VTA1: variants seen among roughly 807,000 people sequenced by gnomAD.
VTA1 encodes the protein vesicle trafficking 1.
A neutral mutation model predicts 36.9 loss-of-function variants in VTA1; 24 were observed. The observed-to-expected ratio is 0.65, with a 90% CI of 0.47 to 0.91. The LOEUF is 0.91. Ranked by LOEUF, VTA1 falls within the 40% of genes least tolerant of loss-of-function variation. The pLI is 0.00. For synonymous variants in VTA1, 142 were observed against 130.2 expected (o/e 1.09, Z -0.62); for missense variants, 393 against 377.2 (o/e 1.04, Z -0.35).
At position 142,223,357 on chromosome 6, in the gene VTA1, G is replaced by A. The variant is rs578022797; in HGVS notation, c.*4714G>A. 1 of 152,272 alleles carries A rather than the reference G, an allele frequency of 6.6e-6. No individual in the cohort carries two copies. Among genetic ancestry groups the A allele is most frequent in the East Asian group, 1.9e-4 (1 of 5,176 alleles). The allele number at this position is 152,272 out of a possible 1,614,324, so 9.4% of individuals were successfully genotyped here. ...GGTGTTCCACATCATTAGGGAGTCT[G>A]GGTTTCCCAGATGTGCCTGTTTTAT... On this transcript the variant is annotated 3_prime_UTR_variant, in exon 8 of 8. Transcript: ENST00000367630.
intron 1 of VTA1, 51 bp downstream of exon 1, chr6:142,147,450 G>A: frequency 1.9e-6 from 3 of 1,547,238 alleles, no homozygotes; most frequent in Non-Finnish European, 1.8e-6. Context: ...GCATTTTAGG[G>A]CCCACACACC....
chr6:142,185,495 A>G lies in VTA1; in HGVS notation c.412-3931A>G, dbSNP rs1775322908. ...CATAGGTTAATAATAAACATTTTAA[A>G]AGAATGTCATTTTGCAGATACTGAA... On this transcript the variant is annotated intron_variant, in intron 4 of 7. Coordinates refer to ENST00000367630, the MANE Select transcript of VTA1 (RefSeq NM_016485.5). Among the ~76,000 whole-genome samples, 3 of 152,210 alleles carry G rather than the reference A, an allele frequency of 2.0e-5. No individual in the cohort carries two copies. In the South Asian group the frequency reaches 6.2e-4, roughly 31 times the overall value.
intron 7 of VTA1, among the ~76,000 whole-genome samples, chr6:142,204,757 G>GTTTT (rs1775756980): frequency 6.6e-6 from 1 of 151,534 alleles, no homozygotes; most frequent in South Asian, 2.1e-4. Flanking sequence ...GTTTTGTTTT[G>GTTTT]TTTTTGAGAC....
At chr6:142,173,459 C>T (rs899831832) in intron 4 of VTA1, among the ~76,000 whole-genome samples, 5 of 152,100 alleles carry the variant, frequency 3.3e-5, no homozygotes, top group Admixed American at 6.6e-5. Flanking sequence ...TTAGTAGAGA[C>T]GGGGTTTCAC....
At position 142,223,275 on chromosome 6, in the gene VTA1, G is replaced by A. The variant is rs1010799271; in HGVS notation, c.*4632G>A. ...TTGTATGGACTGCAGCAATCCAAGG[G>A]GACACTAAGCAGGGTTTGAGTAATG... On this transcript the variant is annotated 3_prime_UTR_variant, in exon 8 of 8. Coordinates refer to ENST00000367630, the MANE Select transcript of VTA1 (RefSeq NM_016485.5). The A allele has an allele frequency of 6.6e-6, 1 of 152,124 alleles. No individual in the cohort carries two copies. The highest frequency in any genetic ancestry group is 6.6e-5 in the Admixed American group (1 of 15,254). 9.4% of individuals were successfully genotyped at this position (152,124 alleles called of 1,614,324 possible).
chr6:142,181,093 AAAT>A (rs1178922831), intron 4 of VTA1, among the ~76,000 whole-genome samples: 24 of 72,440 alleles, frequency 3.3e-4, no homozygotes, highest in African/African-American at 6.3e-4. Context: ...AAAAAAAAAA[AAAT>A]ATATATATAT....
chr6:142,187,882 C>T lies in VTA1; in HGVS notation c.412-1544C>T, dbSNP rs145813420. Among the ~76,000 whole-genome samples the T allele has an allele frequency of 5.4e-5, 8 of 148,652 alleles. No individual in the cohort carries two copies. The East Asian group carries it at 1.4e-3, about 25-fold the overall frequency. Reference sequence around the variant, plus strand: ...CTGCATTTGTACTTATCAGTGACTTCGTGGATCTTTGCAAAAGGATACTTT... The same window carrying T: ...CTGCATTTGTACTTATCAGTGACTTTGTGGATCTTTGCAAAAGGATACTTT... On this transcript the variant is annotated intron_variant, in intron 4 of 7. Coordinates refer to ENST00000367630, the MANE Select transcript of VTA1 (RefSeq NM_016485.5).
At position 142,194,800 on chromosome 6, in the gene VTA1, C is replaced by T. The variant is rs1177081035; in HGVS notation, c.521-3639C>T. On this transcript the variant is annotated intron_variant, in intron 5 of 7. Transcript: ENST00000367630. Reference sequence around the variant, plus strand: ...CCATTGTTTTGTTTTGTTTTTTGCCCTATGTGATACTGAGAAATCTTCTTT... The same window carrying T: ...CCATTGTTTTGTTTTGTTTTTTGCCTTATGTGATACTGAGAAATCTTCTTT... Among the ~76,000 whole-genome samples the T allele has an allele frequency of 2.6e-5, 4 of 152,032 alleles. No homozygotes were observed. In the East Asian group the frequency reaches 7.7e-4, roughly 29 times the overall value.
intron 1 of VTA1, among the ~76,000 whole-genome samples, chr6:142,165,629 G>T (rs576861663): frequency 6.6e-6 from 1 of 152,262 alleles, no homozygotes; most frequent in South Asian, 2.1e-4. Flanking sequence ...AACATCAGTG[G>T]TAACAGCAGT....
intron 1 of VTA1, among the ~76,000 whole-genome samples, chr6:142,155,747 C>A (rs1000549638): frequency 2.0e-5 from 3 of 152,208 alleles, no homozygotes; most frequent in Admixed American, 1.3e-4. Context: ...ACCACACTCA[C>A]TAGATTTTTA....
At chr6:142,200,195 T>C (rs1412884598) in intron 6 of VTA1, among the ~76,000 whole-genome samples, 1 of 152,124 alleles carries the variant, frequency 6.6e-6, no homozygotes. Flanking sequence ...TCATACTTAC[T>C]TCTCATGGTT....
intron 4 of VTA1, among the ~76,000 whole-genome samples, chr6:142,176,076 A>G (rs1376139587): frequency 1.3e-5 from 2 of 152,120 alleles, no homozygotes; most frequent in African/African-American, 4.8e-5. Flanking sequence ...GTCAACATAA[A>G]TATTTTCTTT....
chr6:142,181,455 T>TTTTATATATATATA (rs893322058), intron 4 of VTA1, among the ~76,000 whole-genome samples: 3 of 143,652 alleles, frequency 2.1e-5, no homozygotes, highest in South Asian at 2.2e-4. Context: ...TTTTTATATT[T>TTTTATATATATATA]TATATATATA....
At position 142,219,375 on chromosome 6, in the gene VTA1, A is replaced by G. The variant is rs536674405; in HGVS notation, c.*732A>G. 15 of 152,330 alleles carry G rather than the reference A, an allele frequency of 9.8e-5. No individual in the cohort carries two copies. The highest frequency in any genetic ancestry group is 3.4e-4 in the African/African-American group (14 of 41,566). The allele number at this position is 152,330 out of a possible 1,614,324, so 9.4% of individuals were successfully genotyped here. Reference sequence around the variant, plus strand: ...GCATGTATTAGAGAATGAAAAGAAGATATTTGTAGTAATGCCTGGAAACTT... The same window carrying G: ...GCATGTATTAGAGAATGAAAAGAAGGTATTTGTAGTAATGCCTGGAAACTT... On this transcript the variant is annotated 3_prime_UTR_variant, in exon 8 of 8. Coordinates refer to ENST00000367630, the MANE Select transcript of VTA1 (RefSeq NM_016485.5).
intron 1 of VTA1, among the ~76,000 whole-genome samples, chr6:142,159,426 T>G (rs1040210223): frequency 6.6e-6 from 1 of 151,342 alleles, no homozygotes; most frequent in Non-Finnish European, 1.5e-5. Flanking sequence ...ACTAATCTTT[T>G]CTTTTTTGGT....
rs186153164 is a variant in VTA1 at position 142,188,266 on chromosome 6, C to G, written c.412-1160C>G. Among the ~76,000 whole-genome samples, 3 of 112,198 alleles carry G rather than the reference C, an allele frequency of 2.7e-5. No individual in the cohort carries two copies. The Admixed American group carries it at 3.4e-4, about 13-fold the overall frequency. 73.6% of individuals were successfully genotyped at this position (112,198 alleles called of 152,430 possible). A position where few individuals can be genotyped will look rare whatever the true frequency, so the allele number is the denominator to read the frequency against. On this transcript the variant is annotated intron_variant, in intron 4 of 7. Coordinates refer to ENST00000367630, the MANE Select transcript of VTA1 (RefSeq NM_016485.5). ...TTTTTTTTTTTTTGAGACAGAGTCT[C>G]TCTCTGCTGCTCAGGCTGGAGTGCA...
At position 142,169,560 on chromosome 6, in the gene VTA1, A is replaced by G. The variant is rs1774988596; in HGVS notation, c.218A>G (p.Gln73Arg). ...CTGATTTTATTTTAGCTAAAGAAGC[A>G]GTTGGGTGATAATGAAGCTATTACT... Reference protein sequence around the residue: ...LMDQLEALKKQLGDNEAITQE... With the variant: ...LMDQLEALKKRLGDNEAITQE... The change falls in exon 3 of 8, where the codon CAG becomes CGG. Residue 73 changes from glutamine (Q) to arginine (R), a missense_variant. Coordinates refer to ENST00000367630, the MANE Select transcript of VTA1 (RefSeq NM_016485.5). 12 of 1,607,028 alleles carry G rather than the reference A, an allele frequency of 7.5e-6. No individual in the cohort carries two copies. The highest frequency in any genetic ancestry group is 9.3e-6 in the Non-Finnish European group (11 of 1,178,562).
intron 4 of VTA1, among the ~76,000 whole-genome samples, chr6:142,188,347 T>G (rs1775387687): frequency 6.8e-6 from 1 of 147,356 alleles, no homozygotes; most frequent in African/African-American, 2.5e-5. Flanking sequence ...CCCGAGTAGC[T>G]GCAACTACAG....
Position 142,222,319 on chromosome 6 carries a change from GA to G in VTA1, c.*3679del, listed in dbSNP as rs2114696847. 1 of 152,290 alleles carries G rather than the reference GA, an allele frequency of 6.6e-6. No individual in the cohort carries two copies. Among genetic ancestry groups the G allele is most frequent in the Non-Finnish European group, 1.5e-5 (1 of 68,030 alleles). 9.4% of individuals were successfully genotyped at this position (152,290 alleles called of 1,614,324 possible). A position where few individuals can be genotyped will look rare whatever the true frequency, so the allele number is the denominator to read the frequency against. On this transcript the variant is annotated 3_prime_UTR_variant, in exon 8 of 8. Coordinates refer to ENST00000367630, the MANE Select transcript of VTA1 (RefSeq NM_016485.5). ...TGTCAATGCGGCAGAGGGAGAAGAA[GA>G]AATAAGGTTCTGCTGACAATGATTG...
Sources: gnomAD v4.1 joint callset for allele counts (sites outside exome capture counted in the v4.1 genomes callset) on GRCh38, gnomAD v4.1.1 for gene constraint, MANE v1.5 for transcripts, NCBI Gene and HGNC (gene_info 2026-07-23, HGNC 2026-07-21) for gene names.